TASOR: variants seen among roughly 807,000 people sequenced by gnomAD.
The protein encoded by TASOR is transcription activation suppressor.
In TASOR, 53 loss-of-function variants were observed where a neutral mutation model predicts 178.6. The ratio of observed to expected loss-of-function variants is 0.30; its 90% CI spans 0.24 to 0.37. TASOR has a LOEUF of 0.37. Among genes scored for constraint, TASOR ranks in the 10% least tolerant of loss-of-function variants. TASOR has a pLI of 1.00. For missense variants in TASOR, 1,815 were observed against 1,971.4 expected, an observed-to-expected ratio of 0.92 and a Z score of 1.50; for synonymous variants, 713 against 696.2, an observed-to-expected ratio of 1.02 and a Z score of -0.38.
At chr3:56,674,942 C>T (rs1260497119) in intron 1 of TASOR, among the ~76,000 whole-genome samples, 2 of 152,118 alleles carry the variant, frequency 1.3e-5, no homozygotes, top group African/African-American at 2.4e-5. Context: ...CCTCAGCCTC[C>T]CAAGTAGCTG....
At position 56,673,611 on chromosome 3, in the gene TASOR, C is replaced by G; in HGVS notation, c.446G>C (p.Cys149Ser). The G allele has an allele frequency of 1.3e-6, 2 of 1,550,558 alleles. No individual in the cohort carries two copies. Among genetic ancestry groups the G allele is most frequent in the Non-Finnish European group, 1.7e-6 (2 of 1,146,626 alleles). ...SVTNFNYRRACLVHNELLEKE... is the reference protein window; with the variant it reads ...SVTNFNYRRASLVHNELLEKE... ...TTCCAAAAGCTCATTGTGTACCAAG[C>G]AAGCACGTCTGTAGTTAAAATTTGT... Residue 149 changes from cysteine to serine, a missense_variant, in exon 2 of 24, where the codon TGC (cysteine) becomes TCC (serine). Physicochemically the swap from Cys to Ser is moderately radical, Grantham distance 112. This residue lies in a region of TASOR where 244 missense variants were observed against 202.7 expected (regional missense o/e 1.20). Coordinates refer to ENST00000683822, the MANE Select transcript of TASOR (RefSeq NM_001365635.2).
intron 23 of TASOR, 82 bp from the exon 24 acceptor site, chr3:56,623,648 T>C: frequency 6.5e-7 from 1 of 1,543,894 alleles, no homozygotes; most frequent in Non-Finnish European, 8.7e-7. Flanking sequence ...ACTCACACAA[T>C]ATAACGCGTC....
intron 17 of TASOR, among the ~76,000 whole-genome samples, chr3:56,635,132 G>C (rs1203737240): frequency 6.6e-6 from 1 of 152,158 alleles, no homozygotes; most frequent in Non-Finnish European, 1.5e-5. Flanking sequence ...CTTTTCTAAA[G>C]GTTTAAATAG....
rs2076442797 is a variant in TASOR at position 56,621,000 on chromosome 3, A to AAGTTAGTTAGTTAGTTTAGTT, written c.*2036_*2037insAACTAAACTAACTAACTAACT. 6.6e-6 allele frequency: 1 copy of AAGTTAGTTAGTTAGTTTAGTT among 150,396 alleles called. No homozygotes were observed. The highest frequency in any genetic ancestry group is 1.5e-5 in the Non-Finnish European group (1 of 67,658). 9.3% of individuals were successfully genotyped at this position (150,396 alleles called of 1,614,324 possible). On this transcript the variant is annotated 3_prime_UTR_variant, in exon 24 of 24. Coordinates refer to ENST00000683822, the MANE Select transcript of TASOR (RefSeq NM_001365635.2). Reference sequence around the variant, plus strand: ...ACCCTGTCTCTACTAAAAATACAAAAAGTTAGTTAGTTAGTTAGCCAGGCG... The same window carrying AAGTTAGTTAGTTAGTTTAGTT: ...ACCCTGTCTCTACTAAAAATACAAAAAGTTAGTTAGTTAGTTTAGTTAGTTAGTTAGTTAGTTAGCCAGGCG...
intron 17 of TASOR, among the ~76,000 whole-genome samples, chr3:56,636,757 G>T (rs781497970): frequency 1.3e-5 from 2 of 152,068 alleles, no homozygotes; most frequent in Non-Finnish European, 2.9e-5. Context: ...AAGTGAAAGG[G>T]GAGTAGTCAG....
rs145066442 is a variant in TASOR at position 56,676,844 on chromosome 3, T to C, written c.332-3119A>G. On this transcript the variant is annotated intron_variant, in intron 1 of 23. Transcript: ENST00000683822. ...TGACTCTAAAGCAATGTCCAAGTCA[T>C]GTCCAATGTACTAAAAATGACAGCT... Among the ~76,000 whole-genome samples the C allele has an allele frequency of 4.1e-4, 62 of 152,316 alleles. No individual in the cohort carries two copies. In the East Asian group the frequency reaches 0.011, roughly 27 times the overall value.
intron 11 of TASOR, 103 bp from the exon 12 acceptor site, chr3:56,649,160 A>T: frequency 1.3e-6 from 1 of 768,534 alleles, no homozygotes; most frequent in Non-Finnish European, 1.9e-6. Flanking sequence ...AAAAGTTCTT[A>T]ATCATCTTTT....
chr3:56,667,971 A>G (rs2030239291), intron 6 of TASOR, among the ~76,000 whole-genome samples: 1 of 152,228 alleles, frequency 6.6e-6, no homozygotes, highest in Non-Finnish European at 1.5e-5. Context: ...CTATCAAATC[A>G]ATAGTATAAA....
intron 11 of TASOR, among the ~76,000 whole-genome samples, chr3:56,651,387 G>GAGTT (rs1415423521): frequency 6.6e-6 from 1 of 151,810 alleles, no homozygotes; most frequent in Non-Finnish European, 1.5e-5. Context: ...CACAAAAAAA[G>GAGTT]AGTTAGTATA....
chr3:56,655,333 G>T (rs1215379900), intron 11 of TASOR, among the ~76,000 whole-genome samples: 3 of 152,078 alleles, frequency 2.0e-5, no homozygotes, highest in Non-Finnish European at 4.4e-5. Flanking sequence ...ATCTGCAGAA[G>T]ATATATTACA....
At position 56,633,360 on chromosome 3, in the gene TASOR, T is replaced by C. The variant is rs540755425; in HGVS notation, c.3431A>G (p.Asp1144Gly). The C allele has an allele frequency of 4.3e-6, 7 of 1,614,192 alleles. No homozygotes were observed. Among genetic ancestry groups the C allele is most frequent in the African/African-American group, 4.0e-5 (3 of 75,050 alleles). Residue 1144 changes from aspartate to glycine, a missense_variant, in exon 18 of 24, where the codon GAT becomes GGT. Transcript: ENST00000683822. ...GGAATGCTGCTCATCAGAGTTGGTA[T>C]CTTTCAAAGGATCACTACACAGTGG... ...LEPLCSDPLK[D>G]TNSDEQHSTS...
intron 11 of TASOR, among the ~76,000 whole-genome samples, chr3:56,654,926 T>C (rs1218545956): frequency 6.6e-6 from 1 of 152,194 alleles, no homozygotes; most frequent in African/African-American, 2.4e-5. Context: ...GCAGATATGA[T>C]CTTGGGACAT....
At chr3:56,653,282 A>G (rs1441225787) in intron 11 of TASOR, among the ~76,000 whole-genome samples, 2 of 106,756 alleles carry the variant, frequency 1.9e-5, no homozygotes, top group Non-Finnish European at 3.4e-5. Flanking sequence ...AAAAAAAAAA[A>G]AAAAAAAGAA....
Position 56,628,561 on chromosome 3 carries a change from T to A in TASOR, c.3801A>T (p.Glu1267Asp). 6.3e-7 allele frequency: 1 copy of A among 1,598,340 alleles called. No individual in the cohort carries two copies. Among genetic ancestry groups the A allele is most frequent in the Non-Finnish European group, 8.6e-7 (1 of 1,167,956 alleles). ...ATAGTTTATCTAATTTTGATCTTCT[T>A]TCCAAAAACTGTTCAGGATGACATT... ...NTECHPEQFL[E>D]RRSKLDKLLI... Residue 1267 changes from glutamate (E) to aspartate (D), a missense_variant, in exon 19 of 24, where the codon GAA becomes GAT. Glu to Asp is a conservative substitution (Grantham distance 45). This residue lies in a region of TASOR where 655 missense variants were observed against 671.1 expected (regional missense o/e 0.98). Transcript: ENST00000683822.
chr3:56,638,717 T>G lies in TASOR; in HGVS notation c.2813A>C (p.Lys938Thr). The G allele has an allele frequency of 6.2e-7, 1 of 1,614,112 alleles. No individual in the cohort carries two copies. Among genetic ancestry groups the G allele is most frequent in the Non-Finnish European group, 8.5e-7 (1 of 1,179,990 alleles). ...PEDQLGKHGE[K>T]QTPGMKSPEE... ...GCAAGCCTTCTCACCTGGTGTTTGT[T>G]TCTCACCATGTTTCCCCAGCTGGTC... is the stretch of plus-strand genomic sequence containing the variant. Residue 938 changes from lysine to threonine, a missense_variant, in exon 17 of 24, where the codon AAA becomes ACA. By Grantham distance (78) the Lys-to-Thr change is moderately conservative. Coordinates refer to ENST00000683822, the MANE Select transcript of TASOR (RefSeq NM_001365635.2).
rs1044858423 is a variant in TASOR, at chr3:56,682,755, G to A, written c.252C>T (p.Ala84=). 6.5e-7 allele frequency: 1 copy of A among 1,538,900 alleles called. No individual in the cohort carries two copies. The highest frequency in any genetic ancestry group is 8.8e-7 in the Non-Finnish European group (1 of 1,140,228). ...PQDSSEAGAA[A]LPRGPEEPER... ...CGGGCTCTTCGGGGCCTCTGGGCAGGGCGGCCGCGCCCGCCTCAGAGGAGT... is the reference window on the plus strand; with the variant it reads ...CGGGCTCTTCGGGGCCTCTGGGCAGAGCGGCCGCGCCCGCCTCAGAGGAGT... Residue 84 remains alanine (A), a synonymous_variant, in exon 1 of 24, where the codon GCC becomes GCT. Transcript: ENST00000683822.
In TASOR at chr3:56,683,114, C is replaced by A. The variant is rs1211774975; in HGVS notation, c.-108G>T. On this transcript the variant is annotated 5_prime_UTR_variant, in exon 1 of 24. Coordinates refer to ENST00000683822, the MANE Select transcript of TASOR (RefSeq NM_001365635.2). Reference sequence around the variant, plus strand: ...CGCCGAGCTGCTCTCAGCCCACCCACCCCCTTCCCCCCGTGGCCTCAGGCT... The same window carrying A: ...CGCCGAGCTGCTCTCAGCCCACCCAACCCCTTCCCCCCGTGGCCTCAGGCT... 1 of 1,261,264 alleles carries A rather than the reference C, an allele frequency of 7.9e-7. No individual in the cohort carries two copies. Among genetic ancestry groups the A allele is most frequent in the Non-Finnish European group, 1.1e-6 (1 of 941,332 alleles). 78.1% of individuals were successfully genotyped at this position (1,261,264 alleles called of 1,614,324 possible).
chr3:56,669,962 G>A, intron 4 of TASOR, 111 bp downstream of exon 4: 1 of 914,312 alleles, frequency 1.1e-6, no homozygotes, highest in South Asian at 1.8e-5. Context: ...CTTTTTCTGG[G>A]AACATAATAA....
At chr3:56,624,758 A>G in intron 22 of TASOR, 70 bp downstream of exon 22, 1 of 1,564,112 alleles carries the variant, frequency 6.4e-7, no homozygotes, top group Non-Finnish European at 8.7e-7. Flanking sequence ...AATACCCACC[A>G]CAGCCCCATA....
Sources: allele counts gnomAD v4.1 joint callset (sites outside exome capture counted in the v4.1 genomes callset), GRCh38; gene constraint gnomAD v4.1.1; regional missense constraint gnomAD v4.1.1; transcripts MANE v1.5; gene names NCBI Gene and HGNC (gene_info 2026-07-23, HGNC 2026-07-21).